The following GDF1 variants were observed in gnomAD, a reference collection of about 807,000 sequenced individuals.
GDF1 encodes the protein growth differentiation factor 1.
Under a neutral mutation model 7.4 loss-of-function variants are expected in GDF1, and 8 were observed. The ratio of observed to expected loss-of-function variants is 1.09; its 90% CI spans 0.64 to 1.96. The LOEUF is 1.96. Among genes scored for constraint, GDF1 ranks in the 30% most tolerant of loss-of-function variants. The probability of loss-of-function intolerance (pLI) is 0.00; values close to 1 mark genes in which losing one functional copy is unlikely to be tolerated. For synonymous variants in GDF1, 311 were observed against 276.7 expected (o/e 1.12, Z -1.23); for missense variants, 574 against 551.5 (o/e 1.04, Z -0.41).
Position 18,870,328 on chromosome 19 carries a change from A to G in GDF1, c.-21T>C, listed in dbSNP as rs1446485477. 1.3e-6 allele frequency: 2 copies of G among 1,544,386 alleles called. No individual in the cohort carries two copies. Among genetic ancestry groups the G allele is most frequent in the African/African-American group, 2.8e-5 (2 of 72,714 alleles). On this transcript the variant is annotated 5_prime_UTR_variant, in exon 7 of 8. Coordinates refer to ENST00000247005, the MANE Select transcript of GDF1 (RefSeq NM_001492.6). This position sits in a 1 kb window ranked among gnomAD's most constrained non-coding sequence, Gnocchi z 5.1. ...GGCATCTTCCTCCCAGGCGATGACC[A>G]GAGAGTGCGCAGGGTCCGCGGCGGC...
Position 18,896,014 on chromosome 19 carries a change from G to T in GDF1, c.-1264C>A. The T allele has an allele frequency of 9.9e-7, 1 of 1,009,026 alleles. No homozygotes were observed. Among genetic ancestry groups the T allele is most frequent in the Non-Finnish European group, 1.2e-6 (1 of 846,410 alleles). The allele number at this position is 1,009,026 out of a possible 1,614,324, so 62.5% of individuals were successfully genotyped here. A position where few individuals can be genotyped will look rare whatever the true frequency, so the allele number is the denominator to read the frequency against. ...GCCCCAGCCGCGCTGCACTAGCTGC[G>T]CGTAGCTCGGCATGGGCTCGGGCCC... is the stretch of plus-strand genomic sequence containing the variant. On this transcript the variant is annotated 5_prime_UTR_variant, in exon 1 of 8. Transcript: ENST00000247005. This position sits in a 1 kb window ranked among gnomAD's most constrained non-coding sequence, Gnocchi z 5.9.
At position 18,893,494 on chromosome 19, in the gene GDF1, C is replaced by T. The variant is rs17852016; in HGVS notation, c.-992G>A. 6.2e-7 allele frequency: 1 copy of T among 1,608,998 alleles called. No individual in the cohort carries two copies. Among genetic ancestry groups the T allele is most frequent in the Non-Finnish European group, 8.5e-7 (1 of 1,178,006 alleles). ...AGGTAGGCACTGTAGCTCCAGCTGCCCAGGTAGAAGAGAAACTTCCAAGCG... is the reference window on the plus strand; with the variant it reads ...AGGTAGGCACTGTAGCTCCAGCTGCTCAGGTAGAAGAGAAACTTCCAAGCG... On this transcript the variant is annotated 5_prime_UTR_variant, in exon 2 of 8. The change creates a premature stop within an existing upstream ORF in the 5' untranslated region. Coordinates refer to ENST00000247005, the MANE Select transcript of GDF1 (RefSeq NM_001492.6).
At position 18,895,272 on chromosome 19, in the gene GDF1, C is replaced by T. The variant is rs1221151303; in HGVS notation, c.-1074+552G>A. The stretch of plus-strand genomic sequence containing the variant: ...CCGATTACAGCGGGCAAGCCGGCCC[C>T]GCCGCCGCACGGACCCAGCAGAAAA... On this transcript the variant is annotated intron_variant, in intron 1 of 7. Coordinates refer to ENST00000247005, the MANE Select transcript of GDF1 (RefSeq NM_001492.6). This position sits in a 1 kb window ranked among gnomAD's most constrained non-coding sequence, Gnocchi z 6.4. Among the ~76,000 whole-genome samples the T allele has an allele frequency of 1.3e-5, 2 of 152,230 alleles. No homozygotes were observed. Among genetic ancestry groups the T allele is most frequent in the African/African-American group, 4.8e-5 (2 of 41,462 alleles).
intron 3 of GDF1, among the ~76,000 whole-genome samples, chr19:18,880,758 G>A (rs2056184778): frequency 6.6e-6 from 1 of 151,978 alleles, no homozygotes; most frequent in South Asian, 2.1e-4. Flanking sequence ...GGGTGCAGTG[G>A]TGTGATCGGG....
chr19:18,869,329 G>T lies in GDF1; in HGVS notation c.387C>A (p.Val129=). 6.5e-7 allele frequency: 1 copy of T among 1,528,254 alleles called. No individual in the cohort carries two copies. Among genetic ancestry groups the T allele is most frequent in the South Asian group, 1.2e-5 (1 of 83,778 alleles). The allele number at this position is 1,528,254 out of a possible 1,614,324, so 94.7% of individuals were successfully genotyped here. A position where few individuals can be genotyped will look rare whatever the true frequency, so the allele number is the denominator to read the frequency against. The change falls in exon 8 of 8, where the codon GTC becomes GTA. Residue 129 remains valine, a synonymous_variant. Coordinates refer to ENST00000247005, the MANE Select transcript of GDF1 (RefSeq NM_001492.6). ...SAAGHCPEWT[V]VFDLSAVEPA... ...GTTCCACAGCCGACAGGTCGAAGACGACTGTCCACTCAGGGCAATGCCCCG... is the reference window on the plus strand; with the variant it reads ...GTTCCACAGCCGACAGGTCGAAGACTACTGTCCACTCAGGGCAATGCCCCG...
chr19:18,878,299 C>T lies in GDF1; in HGVS notation c.-313+631G>A, dbSNP rs572083411. The T allele has an allele frequency of 2.0e-6, 2 of 985,928 alleles. No individual in the cohort carries two copies. The highest frequency in any genetic ancestry group is 1.7e-5 in the African/African-American group (1 of 57,204). 61.1% of individuals were successfully genotyped at this position (985,928 alleles called of 1,614,324 possible). Reference sequence around the variant, plus strand: ...CCGTTCATCCCTGGCCCAGACACCCCCTGCCTGCCCCAGGCCTGGGGCTTC... The same window carrying T: ...CCGTTCATCCCTGGCCCAGACACCCTCTGCCTGCCCCAGGCCTGGGGCTTC... On this transcript the variant is annotated intron_variant, in intron 6 of 7. Transcript: ENST00000247005. The surrounding 1 kb of genome is among the most constrained non-coding windows in gnomAD (Gnocchi z 4.6).
chr19:18,880,619 C>T (rs958260363), intron 3 of GDF1, among the ~76,000 whole-genome samples, 184 bp from the exon 4 acceptor site: 1 of 151,942 alleles, frequency 6.6e-6, no homozygotes, highest in African/African-American at 2.4e-5. Context: ...TCCTCACTGT[C>T]CCCCACTTAG....
Position 18,893,509 on chromosome 19 carries a change from A to G in GDF1, c.-1007T>C. On this transcript the variant is annotated 5_prime_UTR_variant, in exon 2 of 8. Transcript: ENST00000247005. Reference sequence around the variant, plus strand: ...CTCCAGCTGCCCAGGTAGAAGAGAAACTTCCAAGCGCTCTCGGGCATCTTG... The same window carrying G: ...CTCCAGCTGCCCAGGTAGAAGAGAAGCTTCCAAGCGCTCTCGGGCATCTTG... The G allele has an allele frequency of 6.2e-7, 1 of 1,610,406 alleles. No homozygotes were observed. Among genetic ancestry groups the G allele is most frequent in the Non-Finnish European group, 8.5e-7 (1 of 1,178,636 alleles).
At chr19:18,882,649 A>G (rs888356985) in intron 3 of GDF1, among the ~76,000 whole-genome samples, 3 of 151,148 alleles carry the variant, frequency 2.0e-5, no homozygotes, top group Non-Finnish European at 3.0e-5. Context: ...AAAAATAAGT[A>G]AGTAAATAAA....
intron 6 of GDF1, among the ~76,000 whole-genome samples, chr19:18,874,950 C>A (rs970640241): frequency 6.6e-6 from 1 of 152,156 alleles, no homozygotes; most frequent in African/African-American, 2.4e-5. Flanking sequence ...ATTGAATTTT[C>A]GGAACCAGGC....
At chr19:18,892,258 G>C (rs532120291) in intron 2 of GDF1, among the ~76,000 whole-genome samples, 1 of 152,070 alleles carries the variant, frequency 6.6e-6, no homozygotes, top group East Asian at 1.9e-4. Flanking sequence ...CACCTCCATA[G>C]GGCAGCCAGA....
chr19:18,870,462 G>C lies in GDF1; in HGVS notation c.-155C>G. 1 of 759,226 alleles carries C rather than the reference G, an allele frequency of 1.3e-6. No individual in the cohort carries two copies. The highest frequency in any genetic ancestry group is 2.1e-6 in the Non-Finnish European group (1 of 465,604). 47.0% of individuals were successfully genotyped at this position (759,226 alleles called of 1,614,324 possible). On this transcript the variant is annotated 5_prime_UTR_variant, in exon 7 of 8. Transcript: ENST00000247005. The surrounding 1 kb of genome is among the most constrained non-coding windows in gnomAD (Gnocchi z 5.1). ...ATGAGGGGGCGGGGTCCCAGGGGAG[G>C]TGGCGGCGGCCCTAGAGGAGCAGAG... is the stretch of plus-strand genomic sequence containing the variant.
chr19:18,872,700 G>T (rs61638426), intron 6 of GDF1, among the ~76,000 whole-genome samples: 97 of 151,912 alleles, frequency 6.4e-4, no homozygotes, highest in Middle Eastern at 3.4e-3. Context: ...ATTTTTAGTA[G>T]AGATGCGGTT....
intron 6 of GDF1, among the ~76,000 whole-genome samples, chr19:18,874,807 C>T (rs965976250): frequency 3.3e-5 from 5 of 152,170 alleles, no homozygotes; most frequent in Admixed American, 6.5e-5. Context: ...TGAGGCTGCT[C>T]AAGAAGCAGC....
chr19:18,880,240 C>A (rs746784437), intron 4 of GDF1, 34 bp downstream of exon 4: 1 of 1,521,818 alleles, frequency 6.6e-7, no homozygotes, highest in South Asian at 1.2e-5. Flanking sequence ...CCAGGCCACA[C>A]CTCCCTCCCT....
rs1025727382 is a variant in GDF1, at chr19:18,870,008, G to A, written c.300C>T (p.Asn100=). The change falls in exon 7 of 8, where the codon AAC becomes AAT. Residue 100 remains asparagine (N), a synonymous_variant. Coordinates refer to ENST00000247005, the MANE Select transcript of GDF1 (RefSeq NM_001492.6). The surrounding 1 kb of genome is among the most constrained non-coding windows in gnomAD (Gnocchi z 5.1). The part of the protein sequence containing the change: ...CHVEELGVAG[N]IVRHIPDRGA... ...CGCGGTCCGGGATGTGGCGCACGAT[G>A]TTTCCGGCGACCCCCAGCTCCTCCA... 6.3e-7 allele frequency: 1 copy of A among 1,596,856 alleles called. No individual in the cohort carries two copies.
At chr19:18,891,217 G>A (rs1319595190) in intron 2 of GDF1, among the ~76,000 whole-genome samples, 2 of 152,180 alleles carry the variant, frequency 1.3e-5, no homozygotes, top group East Asian at 3.8e-4. Flanking sequence ...AGGGGATCAA[G>A]GTGTGTTACA....
chr19:18,882,715 C>T lies in GDF1; in HGVS notation c.-733+1372G>A, dbSNP rs187233724. 2.9e-3 allele frequency among the ~76,000 whole-genome samples: 440 copies of T among 150,438 alleles called. 1 individual carries two copies. Among genetic ancestry groups the T allele is most frequent in the Non-Finnish European group, 4.6e-3 (311 of 67,428 alleles). On this transcript the variant is annotated intron_variant, in intron 3 of 7. Transcript: ENST00000247005. ...TGTACGTGTTTGTTTATTTTTGAGA[C>T]GGAGTCTCGCTCTGTCGCCCAGGCT...
At position 18,878,276 on chromosome 19, in the gene GDF1, G is replaced by A. The variant is rs904511296; in HGVS notation, c.-313+654C>T. ...CTGCTTGTTACCCAGTTTGGCCTCCGTTCATCCCTGGCCCAGACACCCCCT... is the reference window on the plus strand; with the variant it reads ...CTGCTTGTTACCCAGTTTGGCCTCCATTCATCCCTGGCCCAGACACCCCCT... On this transcript the variant is annotated intron_variant, in intron 6 of 7. Transcript: ENST00000247005. This position sits in a 1 kb window ranked among gnomAD's most constrained non-coding sequence, Gnocchi z 4.6. 15 of 985,566 alleles carry A rather than the reference G, an allele frequency of 1.5e-5. 1 individual carries two copies. The South Asian group carries it at 2.8e-4, about 19-fold the overall frequency. 61.1% of individuals were successfully genotyped at this position (985,566 alleles called of 1,614,324 possible).
Sources: gnomAD v4.1 joint callset for allele counts (sites outside exome capture counted in the v4.1 genomes callset) on GRCh38, gnomAD v4.1.1 for gene constraint, Gnocchi (gnomAD v3.1) non-coding constraint, MANE v1.5 for transcripts, NCBI Gene and HGNC (gene_info 2026-07-23, HGNC 2026-07-21) for gene names.